UGT1A9: variants seen among roughly 807,000 people sequenced by gnomAD.
The protein encoded by UGT1A9 is UDP-glucuronosyltransferase 1A9.
A neutral mutation model predicts 45.0 loss-of-function variants in UGT1A9; 35 were observed. That is an observed-to-expected ratio of 0.78 (90% CI 0.59 to 1.03). The LOEUF is 1.03. UGT1A9 is among the 50% of genes least tolerant of loss of function. The pLI is 0.00. For missense variants in UGT1A9, 687 were observed against 666.6 expected, an observed-to-expected ratio of 1.03 and a Z score of -0.34; for synonymous variants, 278 against 250.6, an observed-to-expected ratio of 1.11 and a Z score of -1.03.
At chr2:233,704,053 G>A (rs2075765647) in intron 1 of UGT1A9, among the ~76,000 whole-genome samples, 2 of 151,842 alleles carry the variant, frequency 1.3e-5, no homozygotes, top group Admixed American at 6.6e-5. Flanking sequence ...AACATGCCTG[G>A]CTAATTTTTG....
chr2:233,678,117 G>A (rs1423085538), intron 1 of UGT1A9, among the ~76,000 whole-genome samples: 1 of 152,098 alleles, frequency 6.6e-6, no homozygotes, highest in Non-Finnish European at 1.5e-5. Flanking sequence ...GCTAAATAGT[G>A]GGTACTTTTG....
intron 1 of UGT1A9, among the ~76,000 whole-genome samples, chr2:233,674,924 G>A (rs1346845868): frequency 1.3e-5 from 2 of 152,156 alleles, no homozygotes; most frequent in Non-Finnish European, 2.9e-5. Context: ...GGATGTGTCT[G>A]GGAAAAGCAT....
intron 1 of UGT1A9, among the ~76,000 whole-genome samples, chr2:233,700,828 C>T (rs1333219012): frequency 2.0e-5 from 3 of 151,942 alleles, no homozygotes; most frequent in Non-Finnish European, 2.9e-5. Flanking sequence ...CCCATTAACT[C>T]GTCATTTAGC....
Position 233,693,203 on chromosome 2 carries a change from T to G in UGT1A9, c.855+20414T>G. 6.2e-7 allele frequency: 1 copy of G among 1,614,132 alleles called. No individual in the cohort carries two copies. Among genetic ancestry groups the G allele is most frequent in the African/African-American group, 1.3e-5 (1 of 75,042 alleles). ...GGTGGTGCCTGAAGTTAATTTGCTT[T>G]TGAAAGAATCCAAATACTACACAAG... On this transcript the variant is annotated intron_variant, in intron 1 of 4. Transcript: ENST00000354728.
rs1350462977 is a variant in UGT1A9, at chr2:233,675,425, T to A, written c.855+2636T>A. Among the ~76,000 whole-genome samples, 4 of 152,200 alleles carry A rather than the reference T, an allele frequency of 2.6e-5. No individual in the cohort carries two copies. In the East Asian group the frequency reaches 7.7e-4, roughly 29 times the overall value. On this transcript the variant is annotated intron_variant, in intron 1 of 4. Coordinates refer to ENST00000354728, the MANE Select transcript of UGT1A9 (RefSeq NM_021027.3). ...GATGAGTTCCAACAGAATTAATGAC[T>A]GGTTTTAGGTGAAAAGAATTCAGGC... is the stretch of plus-strand genomic sequence containing the variant.
At chr2:233,678,902 T>C (rs1422615251) in intron 1 of UGT1A9, among the ~76,000 whole-genome samples, 2 of 152,192 alleles carry the variant, frequency 1.3e-5, no homozygotes, top group African/African-American at 4.8e-5. Flanking sequence ...CTGTCATAAA[T>C]CCTGTGAAGT....
intron 1 of UGT1A9, chr2:233,743,409 A>C: frequency 7.6e-7 from 1 of 1,312,950 alleles, no homozygotes; most frequent in South Asian, 1.2e-5. Flanking sequence ...AAAGGCCCCC[A>C]CTTCCCAGGG....
intron 2 of UGT1A9, 65 bp downstream of exon 2, chr2:233,767,230 G>C: frequency 2.5e-6 from 4 of 1,610,018 alleles, no homozygotes; most frequent in South Asian, 2.2e-5. Context: ...CAGACTTCCA[G>C]CTTCCAGATT....
rs138181984 is a variant in UGT1A9, at chr2:233,711,092, G to T, written c.855+38303G>T. On this transcript the variant is annotated intron_variant, in intron 1 of 4. Coordinates refer to ENST00000354728, the MANE Select transcript of UGT1A9 (RefSeq NM_021027.3). Reference sequence around the variant, plus strand: ...TATGCTGATGGCTCCAAGTCTATCTGTGCAGCCCAGACCCCTCCTCATCTC... The same window carrying T: ...TATGCTGATGGCTCCAAGTCTATCTTTGCAGCCCAGACCCCTCCTCATCTC... 8.3e-3 allele frequency among the ~76,000 whole-genome samples: 1,267 copies of T among 152,246 alleles called. 13 individuals carry two copies. The highest frequency in any genetic ancestry group is 0.028 in the African/African-American group (1,149 of 41,524).
chr2:233,731,446 C>G (rs1336068752), intron 1 of UGT1A9, among the ~76,000 whole-genome samples: 3 of 152,132 alleles, frequency 2.0e-5, no homozygotes, highest in Non-Finnish European at 4.4e-5. Flanking sequence ...GTCCCCCACC[C>G]CACAACAGGC....
intron 1 of UGT1A9, chr2:233,754,897 C>A: frequency 3.0e-6 from 4 of 1,351,174 alleles, no homozygotes; most frequent in South Asian, 1.1e-5. Flanking sequence ...TTCCTCTGAC[C>A]CCCCAAAATA....
rs1700539683 is a variant in UGT1A9 at position 233,772,631 on chromosome 2, T to C, written c.*72T>C. ...TTTCCAAACTTGAAAACAGAATCAG[T>C]GTTAAATTCATTTTATTCTTATTAA... On this transcript the variant is annotated 3_prime_UTR_variant, in exon 5 of 5. Coordinates refer to ENST00000354728, the MANE Select transcript of UGT1A9 (RefSeq NM_021027.3). 1.2e-5 allele frequency: 19 copies of C among 1,558,348 alleles called. No individual in the cohort carries two copies. The South Asian group carries it at 2.2e-4, about 18-fold the overall frequency.
Position 233,730,884 on chromosome 2 carries a change from T to A in UGT1A9, c.856-36150T>A, listed in dbSNP as rs1262820640. Among the ~76,000 whole-genome samples, 3 of 152,194 alleles carry A rather than the reference T, an allele frequency of 2.0e-5. No individual in the cohort carries two copies. In the South Asian group the frequency reaches 6.2e-4, roughly 32 times the overall value. On this transcript the variant is annotated intron_variant, in intron 1 of 4. Coordinates refer to ENST00000354728, the MANE Select transcript of UGT1A9 (RefSeq NM_021027.3). ...CCTACTGCACTCCAGGTTTCTATAG[T>A]GGGATCTACTCCTTTACCAAAAATT...
intron 1 of UGT1A9, among the ~76,000 whole-genome samples, chr2:233,724,143 G>C: frequency 8.2e-6 from 1 of 122,326 alleles, no homozygotes; most frequent in African/African-American, 3.7e-5. Flanking sequence ...GGACGGGGCG[G>C]CTGGCCGGGT....
chr2:233,751,629 C>A (rs1156397424), intron 1 of UGT1A9, among the ~76,000 whole-genome samples: 1 of 152,162 alleles, frequency 6.6e-6, no homozygotes, highest in African/African-American at 2.4e-5. Context: ...ATCATGTGTG[C>A]AGTTTCCCCC....
chr2:233,698,490 C>A (rs2075443801), intron 1 of UGT1A9, among the ~76,000 whole-genome samples: 1 of 152,106 alleles, frequency 6.6e-6, no homozygotes. Flanking sequence ...AAAATGCAGT[C>A]CTCATTAGGC....
At chr2:233,707,185 G>A (rs1175311171) in intron 1 of UGT1A9, among the ~76,000 whole-genome samples, 1 of 152,072 alleles carries the variant, frequency 6.6e-6, no homozygotes, top group African/African-American at 2.4e-5. Flanking sequence ...CTGGGTGCCT[G>A]CCCTCCGTTC....
At chr2:233,679,729 C>A (rs1247497238) in intron 1 of UGT1A9, among the ~76,000 whole-genome samples, 1 of 152,072 alleles carries the variant, frequency 6.6e-6, no homozygotes, top group Non-Finnish European at 1.5e-5. Flanking sequence ...TAAAGCCAAA[C>A]CTCTTTGTAA....
At chr2:233,748,098 A>C in intron 1 of UGT1A9, 1 of 1,612,702 alleles carries the variant, frequency 6.2e-7, no homozygotes, top group Non-Finnish European at 8.5e-7. Flanking sequence ...TCGTGCCTTC[A>C]TCCAATCAAT....
Sources: allele counts gnomAD v4.1 joint callset (sites outside exome capture counted in the v4.1 genomes callset), GRCh38; gene constraint gnomAD v4.1.1; transcripts MANE v1.5; gene names NCBI Gene and HGNC (gene_info 2026-07-23, HGNC 2026-07-21).